Variants in ZNF177 observed in about 807,000 individuals in gnomAD.
ZNF177 encodes zinc finger protein 177.
ZNF177 carries 17 observed loss-of-function variants against 19.4 expected under a neutral mutation model. That is an observed-to-expected ratio of 0.87 (90% CI 0.60 to 1.31). The LOEUF (loss-of-function observed/expected upper bound fraction) is 1.31, where lower values mean the gene tolerates loss of function less well. Among genes scored for constraint, ZNF177 ranks in the 40% most tolerant of loss-of-function variants. The probability of loss-of-function intolerance (pLI) is 0.00; values close to 1 mark genes in which losing one functional copy is unlikely to be tolerated. For synonymous variants in ZNF177, 220 were observed against 188.7 expected (o/e 1.17, Z -1.36); for missense variants, 633 against 561.8 (o/e 1.13, Z -1.28).
At chr19:9,370,375 T>A (rs1017932043) in intron 2 of ZNF177, among the ~76,000 whole-genome samples, 1 of 151,996 alleles carries the variant, frequency 6.6e-6, no homozygotes, top group African/African-American at 2.4e-5. Flanking sequence ...TTACAGTACC[T>A]AGTACAATAA....
intron 2 of ZNF177, among the ~76,000 whole-genome samples, chr19:9,366,432 A>G (rs752679601): frequency 1.4e-4 from 21 of 151,766 alleles, no homozygotes; most frequent in Non-Finnish European, 2.2e-4. Flanking sequence ...ATTTTTTTAA[A>G]TTTTTGGTAG....
At chr19:9,373,284 C>A (rs892153175), upstream of ZNF177, among the ~76,000 whole-genome samples, 1 of 152,120 alleles carries the variant, frequency 6.6e-6, no homozygotes, top group Non-Finnish European at 1.5e-5. Context: ...CTCCAGGTTT[C>A]CTTCTTTTTT....
chr19:9,371,037 C>T (rs967095985), intron 2 of ZNF177, among the ~76,000 whole-genome samples: 11 of 152,280 alleles, frequency 7.2e-5, no homozygotes, highest in Non-Finnish European at 1.2e-4. Context: ...TTAGTGGTTA[C>T]TGTATTAGAT....
intron 2 of ZNF177, 88 bp downstream of exon 4, chr19:9,378,432 C>T (rs1169745527): frequency 1.3e-5 from 21 of 1,574,342 alleles, no homozygotes; most frequent in Non-Finnish European, 1.6e-5. Flanking sequence ...GCTTCACAGC[C>T]CAATCTGAGC....
At chr19:9,373,994 A>ATTT, upstream of ZNF177, among the ~76,000 whole-genome samples, 1 of 152,164 alleles carries the variant, frequency 6.6e-6, no homozygotes, top group Admixed American at 6.5e-5. Flanking sequence ...GTCAAAATTA[A>ATTT]TATCAAAGAG....
intron 1 of ZNF177, among the ~76,000 whole-genome samples, 155 bp downstream of exon 3, chr19:9,376,578 T>A (rs998251573): frequency 8.5e-5 from 13 of 152,186 alleles, no homozygotes; most frequent in Admixed American, 8.5e-4. Context: ...TATAGGTTCT[T>A]GCTTTGTGGC....
chr19:9,380,915 TAAG>T lies in ZNF177; in HGVS notation c.587_589del (p.Arg196del), dbSNP rs768315472. On this transcript the variant is annotated inframe_deletion, in exon 6 of 6. Transcript: ENST00000589262. The stretch of plus-strand genomic sequence containing the variant: ...CAAGAGTCATCCCTCAGGAAACACT[TAAG>T]AACTCCCACAGGACAGAAGTTTCAG... The T allele has an allele frequency of 9.1e-6, 14 of 1,536,242 alleles. No homozygotes were observed. In the Middle Eastern group the frequency reaches 8.3e-4, roughly 92 times the overall value.
At chr19:9,368,028 G>A (rs146660557) in intron 2 of ZNF177, among the ~76,000 whole-genome samples, 73 of 152,244 alleles carry the variant, frequency 4.8e-4, no homozygotes, top group African/African-American at 1.5e-3. Context: ...CATCCAGACT[G>A]GAATTCTTTC....
At chr19:9,381,281 G>A in exon 6 of ZNF177, 1 of 1,614,042 alleles carries the variant, frequency 6.2e-7, no homozygotes, top group Non-Finnish European at 8.5e-7. Context: ...TGTGATCACT[G>A]TGGAAAATCC....
Position 9,380,150 on chromosome 19 carries a change from C to T in ZNF177, c.336+11C>T. The stretch of plus-strand genomic sequence containing the variant: ...AATGGCATAAACACGGTAAGACTTA[C>T]TAGGAAGTATTCCTGGTCTTTGTAG... On this transcript the variant is annotated intron_variant, in intron 5 of 5. Coordinates refer to ENST00000589262, the Ensembl canonical transcript of ZNF177. 1 of 1,599,086 alleles carries T rather than the reference C, an allele frequency of 6.3e-7. No homozygotes were observed.
intron 5 of ZNF177, chr19:9,380,448 C>A: frequency 1.1e-6 from 1 of 873,216 alleles, no homozygotes; most frequent in Non-Finnish European, 1.7e-6. Context: ...ATTAAAGAAG[C>A]CCTTTGCTGG....
At chr19:9,364,907 A>C (rs2067957039) in exon 2 of ZNF177, 1 of 152,258 alleles carries the variant, frequency 6.6e-6, no homozygotes, top group African/African-American at 2.4e-5. Context: ...GAAGAGTCTG[A>C]CGAGCAAGGG....
At chr19:9,378,775 GAGTAGGATTTAAAGAGAGTTCTGAGA>G (rs1353073247) in intron 2 of ZNF177, among the ~76,000 whole-genome samples, 161 bp from the exon 5 acceptor site, 1 of 152,172 alleles carries the variant, frequency 6.6e-6, no homozygotes, top group Non-Finnish European at 1.5e-5. Flanking sequence ...ATGGCCCAGG[GAGTAGGATTTAAAGAGAGTTCTGAGA>G]ACTCAGCTTT....
At chr19:9,374,149 G>A (rs1052222288), upstream of ZNF177, among the ~76,000 whole-genome samples, 9 of 152,036 alleles carry the variant, frequency 5.9e-5, no homozygotes, top group Non-Finnish European at 1.0e-4. Context: ...ACCATTTGCC[G>A]AAGAGACTGT....
At chr19:9,380,848 G>A (rs1378919360) in exon 6 of ZNF177, 1 of 1,536,088 alleles carries the variant, frequency 6.5e-7, no homozygotes, top group East Asian at 2.4e-5. Flanking sequence ...TCACATTGGA[G>A]AGAAAACTCT....
intron 2 of ZNF177, among the ~76,000 whole-genome samples, chr19:9,370,236 A>G (rs1005682304): frequency 2.0e-5 from 3 of 152,096 alleles, no homozygotes; most frequent in Non-Finnish European, 4.4e-5. Context: ...GGACCCCCAC[A>G]TGGCTTCCAA....
chr19:9,379,045 C>T, exon 3 of ZNF177: 1 of 1,610,572 alleles, frequency 6.2e-7, no homozygotes, highest in Non-Finnish European at 8.5e-7. Context: ...AAAATCTATA[C>T]AAAGATGTGA....
Position 9,381,734 on chromosome 19 carries a change from T to TA in ZNF177, c.1405dup (p.Met469AsnfsTer13). On this transcript the variant is annotated frameshift_variant, in exon 6 of 6. Transcript: ENST00000589262. LOFTEE classifies it low-confidence loss of function (END_TRUNC). ...GCCTTTAGCACAAGCACTAACCTTA[T>TA]AATGCACAAGCGAATCCACAATGGC... 1 of 1,611,600 alleles carries TA rather than the reference T, an allele frequency of 6.2e-7. No homozygotes were observed.
In ZNF177 at chr19:9,378,363, T is replaced by C. The variant is rs776833224; in HGVS notation, c.33+19T>C. ...GTCACAGGTACACAAGAAATTTCTCTATTTCCAAAAGCACACTGCCATTCC... is the reference window on the plus strand; with the variant it reads ...GTCACAGGTACACAAGAAATTTCTCCATTTCCAAAAGCACACTGCCATTCC... On this transcript the variant is annotated intron_variant, in intron 2 of 5. Coordinates refer to ENST00000589262, the Ensembl canonical transcript of ZNF177. The C allele has an allele frequency of 1.2e-6, 2 of 1,613,388 alleles. No individual in the cohort carries two copies. The highest frequency in any genetic ancestry group is 1.1e-5 in the South Asian group (1 of 91,022).
Sources: allele counts gnomAD v4.1 joint callset (sites outside exome capture counted in the v4.1 genomes callset), GRCh38; gene constraint gnomAD v4.1.1; transcripts MANE v1.5; gene names NCBI Gene and HGNC (gene_info 2026-07-23, HGNC 2026-07-21).